The following ADAM2 variants were observed in gnomAD, a reference collection of about 807,000 sequenced individuals.
ADAM2 encodes ADAM metallopeptidase domain 2.
In ADAM2, 101 loss-of-function variants were observed where a neutral mutation model predicts 99.3. That is an observed-to-expected ratio of 1.02 (90% CI 0.87 to 1.20). The LOEUF (loss-of-function observed/expected upper bound fraction) is 1.20. ADAM2 is among the 50% of genes most tolerant of loss of function. The probability of loss-of-function intolerance (pLI) is 0.00; values close to 1 mark genes in which losing one functional copy is unlikely to be tolerated. For missense variants in ADAM2, 948 were observed against 878.7 expected, an observed-to-expected ratio of 1.08 and a Z score of -1.00; for synonymous variants, 323 against 287.6, an observed-to-expected ratio of 1.12 and a Z score of -1.25.
chr8:39,830,254 A>G (rs1230359345), intron 3 of ADAM2, among the ~76,000 whole-genome samples: 2 of 152,144 alleles, frequency 1.3e-5, no homozygotes, highest in Non-Finnish European at 2.9e-5. Context: ...TTGATATTGA[A>G]ATGACAGATG....
chr8:39,800,707 G>T (rs1398556381), intron 7 of ADAM2, among the ~76,000 whole-genome samples: 2 of 152,022 alleles, frequency 1.3e-5, no homozygotes, highest in African/African-American at 4.8e-5. Flanking sequence ...CATATTTTTT[G>T]AAGGCTTTGT....
Position 39,777,058 on chromosome 8 carries a change from G to A in ADAM2, c.995C>T (p.Ser332Leu), listed in dbSNP as rs1216971512. 1 of 1,595,282 alleles carries A rather than the reference G, an allele frequency of 6.3e-7. No individual in the cohort carries two copies. Among genetic ancestry groups the A allele is most frequent in the East Asian group, 2.2e-5 (1 of 44,730 alleles). ...TYDDINKCQC[S>L]GAVCIMNPEA... ...TGGATTCATAATGCAGACAGCTCCT[G>A]AGCACTGGCATTTGTTAATGTCATC... The change falls in exon 11 of 21, where the codon TCA becomes TTA. Residue 332 changes from serine to leucine, a missense_variant. Transcript: ENST00000265708.
intron 3 of ADAM2, among the ~76,000 whole-genome samples, chr8:39,832,542 A>G (rs902041002): frequency 2.6e-5 from 4 of 152,196 alleles, no homozygotes; most frequent in African/African-American, 9.6e-5. Context: ...TTTATTATAC[A>G]TTTGGTTATT....
intron 12 of ADAM2, among the ~76,000 whole-genome samples, chr8:39,768,740 A>G (rs763142645): frequency 2.6e-5 from 4 of 152,186 alleles, no homozygotes; most frequent in Non-Finnish European, 4.4e-5. Flanking sequence ...TTGAACCTAC[A>G]TCAACTCAGC....
At chr8:39,750,033 G>A (rs1322441503) in intron 16 of ADAM2, among the ~76,000 whole-genome samples, 2 of 151,976 alleles carry the variant, frequency 1.3e-5, no homozygotes, top group Non-Finnish European at 2.9e-5. Context: ...AAATAAGTAC[G>A]TAATAAATGC....
intron 4 of ADAM2, 48 bp downstream of exon 4, chr8:39,824,771 T>A (rs1805332470): frequency 1.0e-6 from 1 of 957,840 alleles, no homozygotes; most frequent in East Asian, 2.4e-5. Context: ...AATAAGGTGA[T>A]CATAGACACT....
At chr8:39,777,981 T>C (rs908047445) in intron 10 of ADAM2, among the ~76,000 whole-genome samples, 23 of 148,944 alleles carry the variant, frequency 1.5e-4, no homozygotes, top group African/African-American at 5.4e-4. Flanking sequence ...GTTGTTTCAA[T>C]TTTATTGGGA....
At chr8:39,818,065 C>A (rs1303228064) in intron 6 of ADAM2, 1 of 151,830 alleles carries the variant, frequency 6.6e-6, no homozygotes, top group Non-Finnish European at 1.5e-5. Context: ...CAACACTTCC[C>A]AACTCATTTC....
chr8:39,751,364 T>A (rs955347450), intron 16 of ADAM2, among the ~76,000 whole-genome samples: 7 of 152,222 alleles, frequency 4.6e-5, no homozygotes, highest in Non-Finnish European at 7.3e-5. Flanking sequence ...TAAACCTAAT[T>A]TTCAGAACCA....
rs150227567 is a variant in ADAM2, at chr8:39,826,452, A to C, written c.189-1555T>G. On this transcript the variant is annotated intron_variant, in intron 3 of 20. Coordinates refer to ENST00000265708, the MANE Select transcript of ADAM2 (RefSeq NM_001464.5). ...TAAAAAAGCACTCAAGGCCAGGAGC[A>C]GTGGCTCACGCCTGTAATCCCAGCA... 3.2e-3 allele frequency among the ~76,000 whole-genome samples: 485 copies of C among 152,266 alleles called. 2 individuals carry two copies. The highest frequency in any genetic ancestry group is 0.011 in the African/African-American group (470 of 41,580).
chr8:39,776,903 G>T, intron 11 of ADAM2, 122 bp downstream of exon 11: 1 of 618,866 alleles, frequency 1.6e-6, no homozygotes, highest in Non-Finnish European at 2.8e-6. Flanking sequence ...ACACATTTTG[G>T]TCCTGGAGTC....
intron 11 of ADAM2, among the ~76,000 whole-genome samples, chr8:39,773,691 T>C (rs1375569794): frequency 1.3e-5 from 2 of 151,732 alleles, no homozygotes; most frequent in Non-Finnish European, 3.0e-5. Flanking sequence ...ATAACCAAAA[T>C]CTAAATATCT....
intron 11 of ADAM2, among the ~76,000 whole-genome samples, chr8:39,770,226 C>T (rs1802727706): frequency 6.6e-6 from 1 of 152,126 alleles, no homozygotes; most frequent in African/African-American, 2.4e-5. Context: ...GGATTACAGG[C>T]GTGAGCCAAC....
At position 39,756,431 on chromosome 8, in the gene ADAM2, C is replaced by T. The variant is rs1030550088; in HGVS notation, c.1614-520G>A. Among the ~76,000 whole-genome samples the T allele has an allele frequency of 2.0e-5, 3 of 152,144 alleles. No individual in the cohort carries two copies. In the South Asian group the frequency reaches 6.2e-4, roughly 32 times the overall value. On this transcript the variant is annotated intron_variant, in intron 15 of 20. Coordinates refer to ENST00000265708, the MANE Select transcript of ADAM2 (RefSeq NM_001464.5). ...ACAGATTAATGTGAGCATTTGCCTA[C>T]AGTACATGCTACAAACCATAAGATT... is the stretch of plus-strand genomic sequence containing the variant.
Position 39,763,766 on chromosome 8 carries a change from G to A in ADAM2, c.1508-2485C>T, listed in dbSNP as rs544827295. ...TTGGACTTGCTCTCAAATTCTTTTC[G>A]GCAGTGAAGTAAAGAATCTGAACCG... On this transcript the variant is annotated intron_variant, in intron 14 of 20. Transcript: ENST00000265708. 7.9e-5 allele frequency among the ~76,000 whole-genome samples: 12 copies of A among 152,174 alleles called. No individual in the cohort carries two copies. The South Asian group carries it at 1.9e-3, about 24-fold the overall frequency.
chr8:39,836,228 A>C (rs7005636), intron 2 of ADAM2, among the ~76,000 whole-genome samples: 90,602 of 151,846 alleles, frequency 0.6, 27,918 homozygotes, highest in African/African-American at 0.75. Flanking sequence ...TATTGCAAAT[A>C]ACTATCTTAT....
chr8:39,753,983 G>A (rs769762841), intron 16 of ADAM2, among the ~76,000 whole-genome samples: 30 of 152,156 alleles, frequency 2.0e-4, no homozygotes, highest in Non-Finnish European at 3.8e-4. Flanking sequence ...TAATGTTGGG[G>A]TCAACCTGAA....
chr8:39,837,841 C>A (rs149683545), intron 1 of ADAM2, among the ~76,000 whole-genome samples: 2 of 152,260 alleles, frequency 1.3e-5, no homozygotes, highest in East Asian at 3.9e-4. Context: ...TCTCAACTTT[C>A]ACTGTCGTGA....
intron 18 of ADAM2, 110 bp downstream of exon 18, chr8:39,749,202 T>G: frequency 1.0e-6 from 1 of 963,330 alleles, no homozygotes; most frequent in Non-Finnish European, 1.5e-6. Flanking sequence ...TGCAGTTTAA[T>G]GTCTAAACAT....
Sources: gnomAD v4.1 joint callset for allele counts (sites outside exome capture counted in the v4.1 genomes callset) on GRCh38, gnomAD v4.1.1 for gene constraint, MANE v1.5 for transcripts, NCBI Gene and HGNC (gene_info 2026-07-23, HGNC 2026-07-21) for gene names.